FHIT: variants seen among roughly 807,000 people sequenced by gnomAD.
FHIT encodes the protein bis(5'-adenosyl)-triphosphatase.
Under a neutral mutation model 17.9 loss-of-function variants are expected in FHIT, and 19 were observed. The ratio of observed to expected loss-of-function variants is 1.06; its 90% confidence interval spans 0.74 to 1.56. The LOEUF (loss-of-function observed/expected upper bound fraction) is 1.56, where lower values mean the gene tolerates loss of function less well. Among genes scored for constraint, FHIT ranks in the 40% most tolerant of loss-of-function variants. FHIT has a pLI of 0.00. For missense variants in FHIT, 248 were observed against 189.2 expected (o/e 1.31, Z -1.82); for synonymous variants, 81 against 69.7 (o/e 1.16, Z -0.81).
At chr3:60,953,249 T>C (rs1708968527) in intron 3 of FHIT, among the ~76,000 whole-genome samples, 1 of 152,222 alleles carries the variant, frequency 6.6e-6, no homozygotes, top group Non-Finnish European at 1.5e-5. Context: ...CATTTTATAC[T>C]GTCGTAATCT....
At chr3:60,475,635 C>T (rs898297781) in intron 5 of FHIT, among the ~76,000 whole-genome samples, 1 of 152,192 alleles carries the variant, frequency 6.6e-6, no homozygotes, top group Non-Finnish European at 1.5e-5. Context: ...TACCTGTCAA[C>T]TTCATGGGCC....
chr3:60,745,305 C>T (rs1268121193), intron 4 of FHIT, among the ~76,000 whole-genome samples: 1 of 152,048 alleles, frequency 6.6e-6, no homozygotes, highest in Non-Finnish European at 1.5e-5. Context: ...TCATAGGCAG[C>T]GGGAATCAAA....
At chr3:60,334,903 G>A (rs913073249) in intron 5 of FHIT, among the ~76,000 whole-genome samples, 1 of 152,160 alleles carries the variant, frequency 6.6e-6, no homozygotes, top group Non-Finnish European at 1.5e-5. Flanking sequence ...TCAAGAAATT[G>A]TATGGCTATA....
intron 4 of FHIT, among the ~76,000 whole-genome samples, chr3:60,744,400 G>A (rs1018666614): frequency 6.6e-6 from 1 of 152,042 alleles, no homozygotes; most frequent in Non-Finnish European, 1.5e-5. Flanking sequence ...GGAACTAATT[G>A]GGATGGATCA....
intron 2 of FHIT, among the ~76,000 whole-genome samples, chr3:61,174,389 T>C (rs1345738306): frequency 6.6e-6 from 1 of 152,248 alleles, no homozygotes; most frequent in Non-Finnish European, 1.5e-5. Flanking sequence ...ATATAATTTA[T>C]GTGAGTAAGC....
intron 4 of FHIT, among the ~76,000 whole-genome samples, chr3:60,575,276 G>A (rs955957698): frequency 3.3e-5 from 5 of 152,136 alleles, no homozygotes; most frequent in Non-Finnish European, 5.9e-5. Flanking sequence ...AAGGTATGTC[G>A]GAAGGGATGT....
At chr3:60,105,193 T>G (rs1704356271) in intron 5 of FHIT, among the ~76,000 whole-genome samples, 1 of 152,178 alleles carries the variant, frequency 6.6e-6, no homozygotes, top group African/African-American at 2.4e-5. Flanking sequence ...ACAAGGACTT[T>G]GTTTCTTTCA....
chr3:60,186,694 A>C (rs191482088), intron 5 of FHIT, among the ~76,000 whole-genome samples: 1 of 152,182 alleles, frequency 6.6e-6, no homozygotes, highest in African/African-American at 2.4e-5. Context: ...AGTAACAAGG[A>C]AAGACAGTGT....
chr3:60,358,650 G>A (rs1576532483), intron 5 of FHIT, among the ~76,000 whole-genome samples: 1 of 152,144 alleles, frequency 6.6e-6, no homozygotes. Flanking sequence ...AGTAAAGAAG[G>A]GGCTGATAAC....
chr3:61,098,825 G>T (rs116180572), intron 2 of FHIT, among the ~76,000 whole-genome samples: 15,789 of 152,250 alleles, frequency 0.1, 943 homozygotes, highest in South Asian at 0.19. Flanking sequence ...TGCTGAAGTT[G>T]TTTATAAGCT....
intron 3 of FHIT, among the ~76,000 whole-genome samples, chr3:60,861,486 T>G (rs1245767326): frequency 1.3e-5 from 2 of 151,306 alleles, no homozygotes; most frequent in African/African-American, 4.9e-5. Context: ...CCAGTAGCCA[T>G]GACAACCAAA....
At chr3:60,066,630 A>ATTTTTTTTTTTTTTTTTTTTTTTTTT (rs71089574) in intron 5 of FHIT, among the ~76,000 whole-genome samples, 3 of 51,422 alleles carry the variant, frequency 5.8e-5, no homozygotes, top group African/African-American at 1.4e-4. Flanking sequence ...TCCCTGACAA[A>ATTTTTTTTTTTTTTTTTTTTTTTTTT]TTTTTTTTTT....
chr3:60,995,896 C>G (rs192860353), intron 3 of FHIT, among the ~76,000 whole-genome samples: 30 of 152,248 alleles, frequency 2.0e-4, no homozygotes, highest in African/African-American at 7.0e-4. Flanking sequence ...GGATTTACAC[C>G]TGAAAAATTA....
At chr3:60,090,415 G>A (rs1008775606) in intron 5 of FHIT, among the ~76,000 whole-genome samples, 1 of 152,214 alleles carries the variant, frequency 6.6e-6, no homozygotes, top group African/African-American at 2.4e-5. Flanking sequence ...TCAGTGGCCT[G>A]TTTGGTAGAA....
At chr3:59,997,887 T>C (rs1699580188) in intron 7 of FHIT, among the ~76,000 whole-genome samples, 1 of 152,190 alleles carries the variant, frequency 6.6e-6, no homozygotes, top group African/African-American at 2.4e-5. Context: ...TGGCTATCTT[T>C]TATTTTTTAA....
intron 3 of FHIT, among the ~76,000 whole-genome samples, chr3:60,899,930 C>G (rs1166278490): frequency 6.6e-6 from 1 of 152,182 alleles, no homozygotes; most frequent in Non-Finnish European, 1.5e-5. Context: ...GGAAATCTCT[C>G]TGAACACTGC....
At chr3:60,058,752 G>C (rs1355124728) in intron 5 of FHIT, among the ~76,000 whole-genome samples, 3 of 152,160 alleles carry the variant, frequency 2.0e-5, no homozygotes, top group Non-Finnish European at 4.4e-5. Flanking sequence ...TGTTAAGAAA[G>C]ATTATGAGGA....
chr3:60,186,286 G>T lies in FHIT; in HGVS notation c.104-172134C>A, dbSNP rs538579684. Among the ~76,000 whole-genome samples the T allele has an allele frequency of 9.2e-5, 14 of 151,878 alleles. No individual in the cohort carries two copies. The South Asian group carries it at 2.3e-3, about 25-fold the overall frequency. ...TCACATTTAGGTCTATTATTCATTTGAGTTTTTTTGTGACATATGCAAGGT... is the reference window on the plus strand; with the variant it reads ...TCACATTTAGGTCTATTATTCATTTTAGTTTTTTTGTGACATATGCAAGGT... On this transcript the variant is annotated intron_variant, in intron 5 of 9. Coordinates refer to ENST00000492590, the MANE Select transcript of FHIT (RefSeq NM_002012.4).
chr3:60,261,406 A>G (rs1706294080), intron 5 of FHIT, among the ~76,000 whole-genome samples: 1 of 152,068 alleles, frequency 6.6e-6, no homozygotes, highest in South Asian at 2.1e-4. Context: ...GAGTATTAGA[A>G]TCATCAAAAT....
Sources: allele counts gnomAD v4.1 joint callset (sites outside exome capture counted in the v4.1 genomes callset), GRCh38; gene constraint gnomAD v4.1.1; transcripts MANE v1.5; gene names NCBI Gene and HGNC (gene_info 2026-07-23, HGNC 2026-07-21).